The following ARMH1 variants were observed in gnomAD, a reference collection of about 807,000 sequenced individuals.
The protein encoded by ARMH1 is armadillo-like helical domain containing protein 1.
ARMH1 carries 34 observed loss-of-function variants against 50.2 expected under a neutral mutation model. The observed-to-expected ratio is 0.68, with a 90% CI of 0.51 to 0.90. ARMH1 has a LOEUF of 0.90. Ranked by LOEUF, ARMH1 falls within the 40% of genes least tolerant of loss-of-function variation. The pLI is 0.00. For missense variants in ARMH1, 538 were observed against 553.9 expected (o/e 0.97, Z 0.29); for synonymous variants, 221 against 224.2 (o/e 0.99, Z 0.13).
chr1:44,716,247 C>A lies in ARMH1; in HGVS notation c.725-7875C>A, dbSNP rs187411027. Among the ~76,000 whole-genome samples the A allele has an allele frequency of 3.7e-3, 563 of 152,232 alleles. 1 individual carries two copies. Among genetic ancestry groups the A allele is most frequent in the Middle Eastern group, 0.01 (3 of 294 alleles). On this transcript the variant is annotated intron_variant, in intron 6 of 11. Transcript: ENST00000535358. ...CTTTAATTACCACGACTTTATGTAC[C>A]ACCTACCACCTTGATGACAGAAACA...
Position 44,689,714 on chromosome 1 carries a change from A to C in ARMH1, c.17A>C (p.Glu6Ala). MTSIKEQAAISRLLSF... is the reference protein window; with the variant it reads MTSIKAQAAISRLLSF... The stretch of plus-strand genomic sequence containing the variant: ...TGATTGATCATGACTTCTATAAAGG[A>C]GCAGGCAGCAATTAGCAGGCTCTTA... The change falls in exon 2 of 12, where the codon GAG becomes GCG. Residue 6 changes from glutamate (E) to alanine (A), a missense_variant. Coordinates refer to ENST00000535358, the MANE Select transcript of ARMH1 (RefSeq NM_001145636.2). The C allele has an allele frequency of 6.4e-7, 1 of 1,551,984 alleles. No homozygotes were observed. The highest frequency in any genetic ancestry group is 8.7e-7 in the Non-Finnish European group (1 of 1,147,062).
chr1:44,700,325 A>AG (rs1326286197), intron 4 of ARMH1, among the ~76,000 whole-genome samples: 1 of 152,170 alleles, frequency 6.6e-6, no homozygotes, highest in Non-Finnish European at 1.5e-5. Context: ...GTGCTATACA[A>AG]GTGTTATCAT....
intron 6 of ARMH1, among the ~76,000 whole-genome samples, chr1:44,712,444 G>A (rs978862035): frequency 4.0e-5 from 6 of 148,236 alleles, no homozygotes; most frequent in Non-Finnish European, 8.9e-5. Context: ...GGCAACAAGA[G>A]TGAAACTCCA....
Position 44,700,912 on chromosome 1 carries a change from T to C in ARMH1, c.443-11T>C, listed in dbSNP as rs1646054971. The stretch of plus-strand genomic sequence containing the variant: ...CCTTCCAATTTAGCATTTCCTCTCT[T>C]CTTTGCTCAGGTGTACGATCCATAG... On this transcript the variant is annotated splice_polypyrimidine_tract_variant and intron_variant, in intron 4 of 11. Coordinates refer to ENST00000535358, the MANE Select transcript of ARMH1 (RefSeq NM_001145636.2). The C allele has an allele frequency of 7.2e-6, 11 of 1,533,176 alleles. No individual in the cohort carries two copies. Among genetic ancestry groups the C allele is most frequent in the African/African-American group, 1.4e-5 (1 of 72,064 alleles). The allele number at this position is 1,533,176 out of a possible 1,614,324, so 95.0% of individuals were successfully genotyped here. A position where few individuals can be genotyped will look rare whatever the true frequency, so the allele number is the denominator to read the frequency against.
chr1:44,703,845 G>A lies in ARMH1; in HGVS notation c.640-244G>A, dbSNP rs192771569. 8.5e-3 allele frequency among the ~76,000 whole-genome samples: 1,280 copies of A among 151,010 alleles called. 20 individuals carry two copies. Among genetic ancestry groups the A allele is most frequent in the African/African-American group, 0.029 (1,214 of 41,280 alleles). On this transcript the variant is annotated intron_variant, in intron 5 of 11. Coordinates refer to ENST00000535358, the MANE Select transcript of ARMH1 (RefSeq NM_001145636.2). Reference sequence around the variant, plus strand: ...GGGTTCACGCCATTCTCCTGCCTCAGCCTCAGGAGTAGCTGGGACTACAGG... The same window carrying A: ...GGGTTCACGCCATTCTCCTGCCTCAACCTCAGGAGTAGCTGGGACTACAGG...
intron 6 of ARMH1, 187 bp from the exon 7 acceptor site, chr1:44,723,934 TC>T: frequency 1.5e-6 from 1 of 673,548 alleles, no homozygotes; most frequent in Non-Finnish European, 2.3e-6. Flanking sequence ...CCCTTCCTCC[TC>T]CCCCTTCAGC....
chr1:44,688,910 G>C (rs1005746046), intron 1 of ARMH1, among the ~76,000 whole-genome samples: 1 of 152,038 alleles, frequency 6.6e-6, no homozygotes, highest in Non-Finnish European at 1.5e-5. Flanking sequence ...TTAAGAGTTA[G>C]TGTAAAAGCC....
chr1:44,719,146 G>A (rs1395075470), intron 6 of ARMH1, among the ~76,000 whole-genome samples: 1 of 152,114 alleles, frequency 6.6e-6, no homozygotes, highest in African/African-American at 2.4e-5. Flanking sequence ...AATAAGTACT[G>A]GAAGGGGTAG....
At chr1:44,696,039 T>G (rs533574144) in intron 2 of ARMH1, among the ~76,000 whole-genome samples, 1 of 150,298 alleles carries the variant, frequency 6.7e-6, no homozygotes, top group Non-Finnish European at 1.5e-5. Flanking sequence ...AAGGGGAGAA[T>G]GCACTGAGGA....
chr1:44,689,965 AT>A (rs1645604071), intron 2 of ARMH1, 62 bp downstream of exon 2: 5 of 1,462,874 alleles, frequency 3.4e-6, no homozygotes, highest in Admixed American at 2.1e-5. Flanking sequence ...CACGCCTGTA[AT>A]CCCAGCACTT....
intron 1 of ARMH1, among the ~76,000 whole-genome samples, chr1:44,680,996 CTTT>C (rs1333237982): frequency 2.9e-5 from 4 of 138,902 alleles, no homozygotes; most frequent in Admixed American, 7.1e-5. Context: ...TTCCGATCCC[CTTT>C]TTTTTTTTTT....
chr1:44,724,142 C>T lies in ARMH1; in HGVS notation c.745C>T (p.Leu249=), dbSNP rs889853124. 2 of 1,551,614 alleles carry T rather than the reference C, an allele frequency of 1.3e-6. No homozygotes were observed. Among genetic ancestry groups the T allele is most frequent in the African/African-American group, 2.7e-5 (2 of 73,056 alleles). ...QYEAIELIKD[L]VGYDVRQALL... ...CGCAGCCATCGAGTTGATCAAAGAC[C>T]TGGTCGGTTACGATGTGCGCCAGGC... The change falls in exon 7 of 12, where the codon CTG becomes TTG. Residue 249 remains leucine, a synonymous_variant. Transcript: ENST00000535358. The surrounding 1 kb of genome is among the most constrained non-coding windows in gnomAD (Gnocchi z 6.4).
At chr1:44,695,777 C>T (rs1229950734) in intron 2 of ARMH1, among the ~76,000 whole-genome samples, 3 of 151,620 alleles carry the variant, frequency 2.0e-5, no homozygotes, top group Non-Finnish European at 4.4e-5. Flanking sequence ...CCTGTCTCTA[C>T]AAAAAATACA....
chr1:44,723,903 A>C (rs1647794583), intron 6 of ARMH1: 2 of 533,808 alleles, frequency 3.7e-6, no homozygotes, highest in Non-Finnish European at 6.4e-6. Flanking sequence ...GGCCGCCTCG[A>C]CAGGTGGGCT....
chr1:44,685,773 A>G (rs112895011), intron 1 of ARMH1, among the ~76,000 whole-genome samples: 11,101 of 151,884 alleles, frequency 0.073, 962 homozygotes, highest in African/African-American at 0.2. Flanking sequence ...GACTACAGGC[A>G]CGCGCCACCA....
At position 44,725,191 on chromosome 1, in the gene ARMH1, C is replaced by G. The variant is rs372734015; in HGVS notation, c.1184C>G (p.Ala395Gly). 1 of 1,552,010 alleles carries G rather than the reference C, an allele frequency of 6.4e-7. No individual in the cohort carries two copies. The highest frequency in any genetic ancestry group is 1.2e-5 in the South Asian group (1 of 84,066). ...KIDSIQADIL[A>G]ANTVNVTKAL... ...GACAGCATTCAGGCGGACATCTTGG[C>G]GGCCAACACAGTCAATGTTACCAAA... Residue 395 changes from alanine (A) to glycine (G), a missense_variant, in exon 11 of 12, where the codon GCG becomes GGG. Transcript: ENST00000535358.
At chr1:44,692,224 T>C (rs1645680768) in intron 2 of ARMH1, among the ~76,000 whole-genome samples, 1 of 152,140 alleles carries the variant, frequency 6.6e-6, no homozygotes, top group Non-Finnish European at 1.5e-5. Flanking sequence ...CGCTGTGTTC[T>C]ATCCTGGGCG....
intron 6 of ARMH1, among the ~76,000 whole-genome samples, chr1:44,709,603 T>G (rs1396472300): frequency 1.4e-5 from 2 of 147,644 alleles, no homozygotes; most frequent in Non-Finnish European, 3.0e-5. Context: ...ACCCAGGAGG[T>G]GGAGGTTGCA....
At chr1:44,678,966 G>A (rs1470267743) in intron 1 of ARMH1, among the ~76,000 whole-genome samples, 1 of 152,088 alleles carries the variant, frequency 6.6e-6, no homozygotes, top group African/African-American at 2.4e-5. Context: ...GAACCATTTG[G>A]CCACTATAGA....
Sources: allele counts gnomAD v4.1 joint callset (sites outside exome capture counted in the v4.1 genomes callset), GRCh38; gene constraint gnomAD v4.1.1; non-coding constraint Gnocchi (gnomAD v3.1); transcripts MANE v1.5; gene names NCBI Gene and HGNC (gene_info 2026-07-23, HGNC 2026-07-21).